Variants in RNF216 observed in about 807,000 individuals in gnomAD.
RNF216 encodes ring finger protein 216.
A neutral mutation model predicts 110.8 loss-of-function variants in RNF216; 72 were observed. That is an observed-to-expected ratio of 0.65 (90% CI 0.54 to 0.79). The LOEUF is 0.79. RNF216 is among the 30% of genes least tolerant of loss of function. The pLI is 0.00. For missense variants in RNF216, 1,342 were observed against 1,141.2 expected (o/e 1.18, Z -2.54); for synonymous variants, 495 against 407.5 (o/e 1.21, Z -2.59).
At chr7:5,719,310 T>A (rs755980129) in intron 9 of RNF216, among the ~76,000 whole-genome samples, 3 of 152,074 alleles carry the variant, frequency 2.0e-5, no homozygotes, top group Non-Finnish European at 2.9e-5. Flanking sequence ...AGGAGGTAGG[T>A]TGAAGCAGTA....
intron 13 of RNF216, among the ~76,000 whole-genome samples, chr7:5,672,662 C>T (rs906891188): frequency 1.3e-5 from 2 of 152,194 alleles, no homozygotes. Flanking sequence ...CGCATAAATA[C>T]TTATGTGATC....
intron 13 of RNF216, among the ~76,000 whole-genome samples, chr7:5,688,651 A>AC (rs1791135529): frequency 6.6e-6 from 1 of 152,136 alleles, no homozygotes; most frequent in African/African-American, 2.4e-5. Context: ...CACTCTGCGC[A>AC]CCTTACCTTG....
At chr7:5,730,944 G>C in intron 5 of RNF216, 127 bp from the exon 6 acceptor site, 4 of 1,373,402 alleles carry the variant, frequency 2.9e-6, no homozygotes, top group Non-Finnish European at 3.0e-6. Flanking sequence ...AAGAAATTAA[G>C]ATGTTTGTAG....
At chr7:5,675,040 C>T (rs940450075) in intron 13 of RNF216, among the ~76,000 whole-genome samples, 3 of 151,928 alleles carry the variant, frequency 2.0e-5, no homozygotes, top group East Asian at 1.9e-4. Context: ...AAGCAAATGT[C>T]GGTACAGAAT....
intron 1 of RNF216, among the ~76,000 whole-genome samples, chr7:5,764,222 A>AC (rs1248212877): frequency 2.0e-5 from 3 of 152,108 alleles, no homozygotes; most frequent in African/African-American, 7.2e-5. Context: ...AAAAAAAAAA[A>AC]AAACAGATAA....
At chr7:5,655,092 T>C (rs538837313) in intron 13 of RNF216, among the ~76,000 whole-genome samples, 7 of 152,352 alleles carry the variant, frequency 4.6e-5, no homozygotes, top group South Asian at 4.1e-4. Context: ...AATTCCGTTA[T>C]TAATTCATGG....
At chr7:5,669,433 A>G (rs1789752971) in intron 13 of RNF216, among the ~76,000 whole-genome samples, 1 of 152,190 alleles carries the variant, frequency 6.6e-6, no homozygotes, top group African/African-American at 2.4e-5. Flanking sequence ...AGTTTACTCA[A>G]TGCTTATGAA....
chr7:5,708,898 C>T (rs984790816), intron 13 of RNF216, among the ~76,000 whole-genome samples: 1 of 152,118 alleles, frequency 6.6e-6, no homozygotes, highest in Admixed American at 6.5e-5. Context: ...CAAAAAGCAG[C>T]CTTCGAGGTG....
At chr7:5,743,737 G>A (rs532824529) in intron 3 of RNF216, among the ~76,000 whole-genome samples, 2 of 152,188 alleles carry the variant, frequency 1.3e-5, no homozygotes, top group Non-Finnish European at 2.9e-5. Flanking sequence ...GTTCCTCTGG[G>A]AAGTCCCTAG....
intron 4 of RNF216, 24 bp from the exon 5 acceptor site, chr7:5,739,376 T>G: frequency 6.3e-7 from 1 of 1,580,180 alleles, no homozygotes; most frequent in Non-Finnish European, 8.6e-7. Flanking sequence ...AGAACATAAT[T>G]TATATTTCAT....
At chr7:5,779,704 C>A (rs887583470) in intron 1 of RNF216, among the ~76,000 whole-genome samples, 10 of 149,508 alleles carry the variant, frequency 6.7e-5, no homozygotes, top group Non-Finnish European at 1.0e-4. Context: ...TGGTGCGCGC[C>A]TGTAATTCCA....
intron 14 of RNF216, among the ~76,000 whole-genome samples, chr7:5,643,529 G>C (rs549376800): frequency 6.6e-6 from 1 of 152,060 alleles, no homozygotes. Context: ...GACTCCTGTA[G>C]TTATCTGTGC....
chr7:5,744,912 C>T (rs1343074325), intron 3 of RNF216, among the ~76,000 whole-genome samples: 1 of 151,444 alleles, frequency 6.6e-6, no homozygotes, highest in Admixed American at 6.6e-5. Context: ...GCAGAGGTTG[C>T]AGTGAGCCAA....
intron 2 of RNF216, among the ~76,000 whole-genome samples, chr7:5,753,913 TGAACTC>T (rs1267379845): frequency 1.3e-5 from 2 of 152,064 alleles, no homozygotes; most frequent in Non-Finnish European, 2.9e-5. Flanking sequence ...GAGAATCGTT[TGAACTC>T]GGGAGGCAGA....
chr7:5,667,690 C>G (rs1475742683), intron 13 of RNF216, among the ~76,000 whole-genome samples: 1 of 152,224 alleles, frequency 6.6e-6, no homozygotes, highest in African/African-American at 2.4e-5. Flanking sequence ...GAATCTTGGC[C>G]TGGCAGGAAC....
chr7:5,645,697 TCTC>T (rs1291667608), intron 14 of RNF216, among the ~76,000 whole-genome samples: 1 of 152,114 alleles, frequency 6.6e-6, no homozygotes, highest in African/African-American at 2.4e-5. Flanking sequence ...TTCAAATGAT[TCTC>T]CTGCTTCAGC....
chr7:5,739,452 A>C, intron 4 of RNF216, 100 bp from the exon 5 acceptor site: 2 of 1,178,194 alleles, frequency 1.7e-6, no homozygotes, highest in South Asian at 2.6e-5. Context: ...ATGACTAAAG[A>C]CTAGAAAAGG....
rs532360246 is a variant in RNF216 at position 5,675,575 on chromosome 7, G to A, written c.2062-23065C>T. On this transcript the variant is annotated intron_variant, in intron 13 of 16. Coordinates refer to ENST00000389902, the MANE Select transcript of RNF216 (RefSeq NM_207111.4). ...GGGGATTGCTTGAGCCCAGGAGGTC[G>A]GGCTGCAGTGAGCTAGGATCACATC... 2.6e-4 allele frequency among the ~76,000 whole-genome samples: 40 copies of A among 152,158 alleles called. 1 individual carries two copies. The South Asian group carries it at 7.5e-3, about 28-fold the overall frequency.
At chr7:5,779,221 C>G (rs1243133724) in intron 1 of RNF216, among the ~76,000 whole-genome samples, 2 of 152,180 alleles carry the variant, frequency 1.3e-5, no homozygotes, top group Non-Finnish European at 2.9e-5. Flanking sequence ...CATCAACTTT[C>G]GATCTGCCTC....
Sources: gnomAD v4.1 joint callset for allele counts (sites outside exome capture counted in the v4.1 genomes callset) on GRCh38, gnomAD v4.1.1 for gene constraint, MANE v1.5 for transcripts, NCBI Gene and HGNC (gene_info 2026-07-23, HGNC 2026-07-21) for gene names.